Variants in PTPRC observed in about 807,000 individuals in gnomAD.
PTPRC encodes the protein protein tyrosine phosphatase receptor type C.
A neutral mutation model predicts 155.9 loss-of-function variants in PTPRC; 44 were observed. That is an observed-to-expected ratio of 0.28 (90% confidence interval 0.22 to 0.36). PTPRC has a LOEUF of 0.36. PTPRC is among the 10% of genes least tolerant of loss of function. The pLI is 1.00. For missense variants in PTPRC, 1,401 were observed against 1,564.6 expected (o/e 0.90, Z 1.76); for synonymous variants, 525 against 533.1 (o/e 0.98, Z 0.21).
intron 28 of PTPRC, 102 bp from the exon 29 acceptor site, chr1:198,750,390 A>T (rs1391821386): frequency 1.7e-6 from 2 of 1,197,654 alleles, no homozygotes; most frequent in South Asian, 2.4e-5. Flanking sequence ...TGTATGTAAC[A>T]GCATTGATAT....
chr1:198,752,562 C>G, intron 30 of PTPRC, 32 bp from the exon 31 acceptor site: 1 of 1,597,924 alleles, frequency 6.3e-7, no homozygotes, highest in Non-Finnish European at 8.6e-7. Context: ...GAACTTCACT[C>G]CAGTTAATGC....
chr1:198,706,584 G>GA lies in PTPRC; in HGVS notation c.686-143dup, dbSNP rs1482963122. 23 of 793,872 alleles carry GA rather than the reference G, an allele frequency of 2.9e-5. No homozygotes were observed. The Admixed American group carries it at 3.4e-4, about 12-fold the overall frequency. 49.2% of individuals were successfully genotyped at this position (793,872 alleles called of 1,614,324 possible). A position where few individuals can be genotyped will look rare whatever the true frequency, so the allele number is the denominator to read the frequency against. ...AGGGCAGTAAAGCACAGATAATTAC[G>GA]AAAAAAATGATATGGAGGCACCTAA... On this transcript the variant is annotated intron_variant, in intron 8 of 32. Coordinates refer to ENST00000442510, the MANE Select transcript of PTPRC (RefSeq NM_002838.5).
chr1:198,664,939 A>G (rs10218491), intron 2 of PTPRC, among the ~76,000 whole-genome samples: 4,282 of 152,240 alleles, frequency 0.028, 205 homozygotes, highest in African/African-American at 0.093. Flanking sequence ...CAAATATGCT[A>G]TATTTTTTCC....
chr1:198,747,386 G>GT (rs1655182114), intron 26 of PTPRC, among the ~76,000 whole-genome samples: 1 of 151,774 alleles, frequency 6.6e-6, no homozygotes, highest in African/African-American at 2.4e-5. Flanking sequence ...AGTCAGGGGC[G>GT]TATCAATAAA....
intron 2 of PTPRC, among the ~76,000 whole-genome samples, chr1:198,677,123 T>C (rs1028581816): frequency 1.3e-5 from 2 of 152,150 alleles, no homozygotes; most frequent in Admixed American, 1.3e-4. Context: ...TAATGAACAT[T>C]TATCCAACAT....
At chr1:198,722,091 G>A (rs941728628) in intron 14 of PTPRC, among the ~76,000 whole-genome samples, 1 of 150,812 alleles carries the variant, frequency 6.6e-6, no homozygotes, top group Middle Eastern at 3.6e-3. Flanking sequence ...TATTAATAGG[G>A]AATTTTAACT....
chr1:198,722,782 T>C (rs1653954869), intron 15 of PTPRC, among the ~76,000 whole-genome samples: 1 of 151,778 alleles, frequency 6.6e-6, no homozygotes, highest in Non-Finnish European at 1.5e-5. Flanking sequence ...GTTAGTAACA[T>C]TTTTCGTGTA....
At chr1:198,754,161 T>A in intron 31 of PTPRC, 108 bp from the exon 32 acceptor site, 1 of 1,325,812 alleles carries the variant, frequency 7.5e-7, no homozygotes, top group Non-Finnish European at 1.1e-6. Context: ...AAGATAATTA[T>A]GATAAACATG....
chr1:198,756,176 T>C lies in PTPRC; in HGVS notation c.3916T>C (p.Ser1306Pro). 2 of 1,613,100 alleles carry C rather than the reference T, an allele frequency of 1.2e-6. No individual in the cohort carries two copies. Among genetic ancestry groups the C allele is most frequent in the East Asian group, 4.5e-5 (2 of 44,738 alleles). The change falls in exon 33 of 33, where the codon TCA (serine) becomes CCA (proline). Residue 1306 changes from serine to proline, a missense_variant. Ser to Pro is a moderately conservative substitution (Grantham distance 74). Around this residue, in one of 3 missense-constraint regions of PTPRC, gnomAD observed 400 missense variants for 389.5 expected, o/e 1.03. Transcript: ENST00000442510. ...GPASPALNQG[S>P] is the part of the protein sequence containing the mutation. ...TGCAAGTCCAGCTTTAAATCAAGGT[T>C]CATAGGAAAAGACATAAATGAGGAA...
intron 15 of PTPRC, among the ~76,000 whole-genome samples, chr1:198,724,322 A>G (rs1352069806): frequency 6.6e-6 from 1 of 152,090 alleles, no homozygotes; most frequent in Non-Finnish European, 1.5e-5. Flanking sequence ...CCGGCATAAT[A>G]TTCCACCACC....
intron 2 of PTPRC, among the ~76,000 whole-genome samples, chr1:198,664,584 T>A (rs1664171340): frequency 6.6e-6 from 1 of 152,170 alleles, no homozygotes; most frequent in Non-Finnish European, 1.5e-5. Context: ...TCTGATACAG[T>A]GGCCTTTAAT....
At chr1:198,699,304 C>T (rs891157520) in intron 4 of PTPRC, among the ~76,000 whole-genome samples, 7 of 152,140 alleles carry the variant, frequency 4.6e-5, no homozygotes, top group Non-Finnish European at 1.0e-4. Flanking sequence ...ATGTGAAAGT[C>T]AATAAAGCCA....
chr1:198,650,399 T>TG (rs1349616912), intron 2 of PTPRC, among the ~76,000 whole-genome samples: 2 of 151,738 alleles, frequency 1.3e-5, no homozygotes, highest in African/African-American at 4.8e-5. Flanking sequence ...AGAAAGGGGA[T>TG]GGTGATCTGG....
chr1:198,745,210 G>C (rs889299570), intron 26 of PTPRC, among the ~76,000 whole-genome samples: 1 of 151,750 alleles, frequency 6.6e-6, no homozygotes, highest in Non-Finnish European at 1.5e-5. Flanking sequence ...AAATGTGCTT[G>C]AGTTTCTGCT....
intron 2 of PTPRC, among the ~76,000 whole-genome samples, chr1:198,648,834 A>G (rs1663079170): frequency 6.6e-6 from 1 of 151,856 alleles, no homozygotes; most frequent in African/African-American, 2.4e-5. Context: ...GATATGATGG[A>G]AAGAATGGAT....
At chr1:198,665,472 C>T (rs1187636949) in intron 2 of PTPRC, among the ~76,000 whole-genome samples, 5 of 152,020 alleles carry the variant, frequency 3.3e-5, no homozygotes, top group African/African-American at 4.8e-5. Context: ...TGAGAACAAG[C>T]AGATGTCAAA....
chr1:198,698,109 G>A (rs1054126445), intron 4 of PTPRC, among the ~76,000 whole-genome samples: 8 of 152,144 alleles, frequency 5.3e-5, no homozygotes, highest in Non-Finnish European at 8.8e-5. Flanking sequence ...GTCACATTGA[G>A]TTTTCCTTTT....
intron 10 of PTPRC, among the ~76,000 whole-genome samples, 189 bp from the exon 11 acceptor site, chr1:198,709,498 C>T (rs1653172622): frequency 6.6e-6 from 1 of 151,198 alleles, no homozygotes; most frequent in African/African-American, 2.4e-5. Context: ...ATAAGGGAAA[C>T]TCAGCCTGTA....
rs555147272 is a variant in PTPRC, at chr1:198,737,034, A to G, written c.2403+1782A>G. Among the ~76,000 whole-genome samples the G allele has an allele frequency of 4.0e-5, 6 of 151,678 alleles. No homozygotes were observed. In the South Asian group the frequency reaches 6.2e-4, roughly 16 times the overall value. On this transcript the variant is annotated intron_variant, in intron 23 of 32. Coordinates refer to ENST00000442510, the MANE Select transcript of PTPRC (RefSeq NM_002838.5). ...GATCTTTTGCCTATTTAAAAATCAG[A>G]TTATTAGATTTTTCATTATAAAGTT...
Sources: allele counts gnomAD v4.1 joint callset (sites outside exome capture counted in the v4.1 genomes callset), GRCh38; gene constraint gnomAD v4.1.1; regional missense constraint gnomAD v4.1.1; transcripts MANE v1.5; gene names NCBI Gene and HGNC (gene_info 2026-07-23, HGNC 2026-07-21).